Variants in VAT1 observed in about 807,000 individuals in gnomAD.
The protein encoded by VAT1 is NADPH-dependent quinone oxidoreductase VAT1.
A neutral mutation model predicts 33.3 loss-of-function variants in VAT1; 24 were observed. The ratio of observed to expected loss-of-function variants is 0.72; its 90% CI spans 0.52 to 1.01. VAT1 has a LOEUF of 1.01. Among genes scored for constraint, VAT1 ranks in the 50% least tolerant of loss-of-function variants. VAT1 has a pLI of 0.00. For synonymous variants in VAT1, 212 were observed against 225.0 expected (o/e 0.94, Z 0.52); for missense variants, 436 against 533.7 (o/e 0.82, Z 1.80).
At chr17:43,017,993 C>T (rs2050534932) in intron 3 of VAT1, 43 bp downstream of exon 3, 1 of 1,613,248 alleles carries the variant, frequency 6.2e-7, no homozygotes, top group East Asian at 2.2e-5. Flanking sequence ...GCTCCCCTCC[C>T]TGTCCTGTGC....
rs751810529 is a variant in VAT1, at chr17:43,016,498, G to A, written c.907C>T (p.Arg303Trp). Residue 303 changes from arginine to tryptophan, a missense_variant, in exon 5 of 6, where the codon CGG becomes TGG. Physicochemically the swap from Arg to Trp is moderately radical, Grantham distance 101 (BLOSUM62 -3). Coordinates refer to ENST00000355653, the MANE Select transcript of VAT1 (RefSeq NM_006373.4). Reference sequence around the variant, plus strand: ...ACGCTGAACTGATTCCACCATGTCCGGGCCAGGGCCATCAGGTTCCGTTTG... The same window carrying A: ...ACGCTGAACTGATTCCACCATGTCCAGGCCAGGGCCATCAGGTTCCGTTTG... ...GPKRNLMALA[R>W]TWWNQFSVTA... is the part of the protein sequence containing the mutation. The A allele has an allele frequency of 1.3e-5, 21 of 1,613,900 alleles. No homozygotes were observed. Among genetic ancestry groups the A allele is most frequent in the Admixed American group, 3.3e-5 (2 of 59,994 alleles).
At chr17:43,021,671 T>A (rs1457896083) in intron 1 of VAT1, among the ~76,000 whole-genome samples, 15 of 151,494 alleles carry the variant, frequency 9.9e-5, no homozygotes, top group Admixed American at 9.9e-4. Context: ...CACCTTATTG[T>A]TTTCCCCCCC....
chr17:43,021,869 T>C (rs2151972203), intron 1 of VAT1, 67 bp downstream of exon 1: 1 of 1,576,540 alleles, frequency 6.3e-7, no homozygotes, highest in Non-Finnish European at 8.6e-7. Context: ...CCCCCGGCGC[T>C]CGCCCACTCG....
Position 43,022,261 on chromosome 17 carries a change from G to A in VAT1, c.62C>T (p.Pro21Leu), listed in dbSNP as rs750278014. ...ATGEDASSPPPKTEAASDPQH... is the reference protein window; with the variant it reads ...ATGEDASSPPLKTEAASDPQH... ...GGGGTCGCTCGCTGCCTCGGTTTTC[G>A]GAGGCGGCGAAGAGGCGTCTTCCCC... is the stretch of plus-strand genomic sequence containing the variant. Residue 21 changes from proline (P) to leucine (L), a missense_variant, in exon 1 of 6, where the codon CCG becomes CTG. By Grantham distance (98) the Pro-to-Leu change is moderately conservative. This residue lies in a region of VAT1 where 154 missense variants were observed against 128.3 expected (regional missense o/e 1.20). Transcript: ENST00000355653. The A allele has an allele frequency of 7.6e-6, 12 of 1,589,242 alleles. No homozygotes were observed. Among genetic ancestry groups the A allele is most frequent in the Non-Finnish European group, 9.4e-6 (11 of 1,169,528 alleles).
chr17:43,021,033 C>G (rs2050562646), intron 1 of VAT1, among the ~76,000 whole-genome samples: 1 of 152,084 alleles, frequency 6.6e-6, no homozygotes, highest in Admixed American at 6.6e-5. Flanking sequence ...GAAGGAGAAA[C>G]AGGCCTGCAG....
rs910169955 is a variant in VAT1 at position 43,015,942 on chromosome 17, T to A, written c.*119A>T. 4 of 1,198,354 alleles carry A rather than the reference T, an allele frequency of 3.3e-6. No individual in the cohort carries two copies. In the African/African-American group the frequency reaches 6.1e-5, roughly 18 times the overall value. 74.2% of individuals were successfully genotyped at this position (1,198,354 alleles called of 1,614,324 possible). On this transcript the variant is annotated 3_prime_UTR_variant, in exon 6 of 6. Coordinates refer to ENST00000355653, the MANE Select transcript of VAT1 (RefSeq NM_006373.4). The stretch of plus-strand genomic sequence containing the variant: ...GAGAGCGGTCATCACCACAGAGACC[T>A]TCGGGGGAGGGAGGGCAGAGCATTA...
In VAT1 at chr17:43,015,831, C is replaced by T; in HGVS notation, c.*230G>A. On this transcript the variant is annotated 3_prime_UTR_variant, in exon 6 of 6. Coordinates refer to ENST00000355653, the MANE Select transcript of VAT1 (RefSeq NM_006373.4). ...CAGGAAGCAGCCGGCCTCCCTCTGA[C>T]CCTCCCTGTCGCCTTGGCAGGGCCC... is the stretch of plus-strand genomic sequence containing the variant. 1 of 599,852 alleles carries T rather than the reference C, an allele frequency of 1.7e-6. No individual in the cohort carries two copies. 37.2% of individuals were successfully genotyped at this position (599,852 alleles called of 1,614,324 possible).
At position 43,018,134 on chromosome 17, in the gene VAT1, G is replaced by A; in HGVS notation, c.668C>T (p.Ala223Val). 2 of 1,614,122 alleles carry A rather than the reference G, an allele frequency of 1.2e-6. No homozygotes were observed. Among genetic ancestry groups the A allele is most frequent in the Non-Finnish European group, 1.7e-6 (2 of 1,180,040 alleles). Residue 223 changes from alanine to valine, a missense_variant, in exon 3 of 6, where the codon GCC becomes GTC. Coordinates refer to ENST00000355653, the MANE Select transcript of VAT1 (RefSeq NM_006373.4). ...CTCCTTCAGTGCCTCGTGCTTGCTG[G>A]CCGAGGCCGTTCCGAACACTGTCAC... ...ENVTVFGTAS[A>V]SKHEALKENG...
intron 5 of VAT1, 21 bp from the exon 6 acceptor site, chr17:43,016,165 C>T (rs372829017): frequency 3.0e-5 from 49 of 1,613,758 alleles, no homozygotes; most frequent in African/African-American, 1.1e-4. Flanking sequence ...AGGAAAGATG[C>T]GGCTCCCAGT....
rs139139510 is a variant in VAT1, at chr17:43,016,402, C to T, written c.1003G>A (p.Val335Met). 54 of 1,613,922 alleles carry T rather than the reference C, an allele frequency of 3.3e-5. No homozygotes were observed. The African/African-American group carries it at 6.1e-4, about 18-fold the overall frequency. The change falls in exon 5 of 6, where the codon GTG becomes ATG. Residue 335 changes from valine to methionine, a missense_variant. Physicochemically the swap from Val to Met is conservative, Grantham distance 21. This residue lies in a region of VAT1 where 282 missense variants were observed against 405.4 expected (regional missense o/e 0.70). Coordinates refer to ENST00000355653, the MANE Select transcript of VAT1 (RefSeq NM_006373.4). ...GCCACCACACCACTGACCAGCTCCA[C>T]CTCACCATCCAGGTAGCCCAGGTGG... ...GFHLGYLDGE[V>M]ELVSGVVARL... is the part of the protein sequence containing the mutation.
At chr17:43,016,737 G>C (rs1053359160) in intron 4 of VAT1, among the ~76,000 whole-genome samples, 189 bp from the exon 5 acceptor site, 1 of 152,130 alleles carries the variant, frequency 6.6e-6, no homozygotes, top group East Asian at 1.9e-4. Flanking sequence ...TGCTCTAGGG[G>C]CTGGGTGCTA....
Position 43,022,084 on chromosome 17 carries a change from G to T in VAT1, c.239C>A (p.Thr80Lys). ...GAGCCCGCAGGCCCGCAGACGCAGC[G>T]TCAGCTGGCCGGGCCCAGGGGCCGG... is the stretch of plus-strand genomic sequence containing the variant. ...APPAPGPGQL[T>K]LRLRACGLNF... Residue 80 changes from threonine to lysine, a missense_variant, in exon 1 of 6, where the codon ACG (threonine) becomes AAG (lysine). Coordinates refer to ENST00000355653, the MANE Select transcript of VAT1 (RefSeq NM_006373.4). 6.3e-7 allele frequency: 1 copy of T among 1,593,228 alleles called. No individual in the cohort carries two copies. The highest frequency in any genetic ancestry group is 8.5e-7 in the Non-Finnish European group (1 of 1,171,186).
rs1229102873 is a variant in VAT1 at position 43,022,106 on chromosome 17, C to T, written c.217G>A (p.Ala73Thr). 6.4e-7 allele frequency: 1 copy of T among 1,573,700 alleles called. No homozygotes were observed. Among genetic ancestry groups the T allele is most frequent in the East Asian group, 2.4e-5 (1 of 42,404 alleles). Reference sequence around the variant, plus strand: ...AGCGTCAGCTGGCCGGGCCCAGGGGCCGGGGGCGCTGCCGGCCGGCTCTGC... The same window carrying T: ...AGCGTCAGCTGGCCGGGCCCAGGGGTCGGGGGCGCTGCCGGCCGGCTCTGC... ...KLQSRPAAPP[A>T]PGPGQLTLRL... The change falls in exon 1 of 6, where the codon GCC (alanine) becomes ACC (threonine). Residue 73 changes from alanine (A) to threonine (T), a missense_variant. By Grantham distance (58) the Ala-to-Thr change is moderately conservative. Coordinates refer to ENST00000355653, the MANE Select transcript of VAT1 (RefSeq NM_006373.4).
At chr17:43,021,711 A>G (rs2050570864) in intron 1 of VAT1, among the ~76,000 whole-genome samples, 1 of 151,810 alleles carries the variant, frequency 6.6e-6, no homozygotes, top group Admixed American at 6.6e-5. Context: ...GGCGGCCACA[A>G]CTAAAAATGG....
In VAT1 at chr17:43,021,606, T is replaced by TGG. The variant is rs35999638; in HGVS notation, c.387+328_387+329dup. Among the ~76,000 whole-genome samples the TGG allele has an allele frequency of 2.7e-3, 135 of 49,400 alleles. 1 individual carries two copies. Among genetic ancestry groups the TGG allele is most frequent in the Non-Finnish European group, 3.3e-3 (78 of 23,870 alleles). The allele number at this position is 49,400 out of a possible 152,430, so 32.4% of individuals were successfully genotyped here. ...GGTAGGGGTACAGGTGTGGTTTTAA[T>TGG]GGGGGGGGGGGGGGGGGGTGGGGAC... On this transcript the variant is annotated intron_variant, in intron 1 of 5. Transcript: ENST00000355653.
chr17:43,018,088 G>A lies in VAT1; in HGVS notation c.714C>T (p.Ile238=), dbSNP rs11539633. The A allele has an allele frequency of 3.1e-6, 5 of 1,613,848 alleles. No individual in the cohort carries two copies. Among genetic ancestry groups the A allele is most frequent in the African/African-American group, 2.7e-5 (2 of 74,824 alleles). ...CCACGTAGTCAGTCGTGTGATAGTC[G>A]ATGGGATGTGTGACCCCATTCTCCT... ...ALKENGVTHP[I]DYHTTDYVDE... The change falls in exon 3 of 6, where the codon ATC becomes ATT. Residue 238 remains isoleucine (I), a synonymous_variant. Transcript: ENST00000355653.
chr17:43,017,797 T>A, intron 4 of VAT1, 44 bp downstream of exon 4: 2 of 1,567,078 alleles, frequency 1.3e-6, no homozygotes, highest in Non-Finnish European at 8.8e-7. Flanking sequence ...AGACCCTCCC[T>A]CCTGCCCTCA....
At chr17:43,019,759 C>T (rs145310064) in intron 1 of VAT1, among the ~76,000 whole-genome samples, 3 of 152,268 alleles carry the variant, frequency 2.0e-5, no homozygotes, top group Non-Finnish European at 2.9e-5. Flanking sequence ...GACTTCTCTG[C>T]GCTCTCTGAA....
At chr17:43,021,620 G>GGGGT in intron 1 of VAT1, among the ~76,000 whole-genome samples, 1 of 115,112 alleles carries the variant, frequency 8.7e-6, no homozygotes, top group Non-Finnish European at 1.9e-5. Context: ...GGGGGGGGGG[G>GGGGT]GGGGTGGGGA....
Sources: allele counts gnomAD v4.1 joint callset (sites outside exome capture counted in the v4.1 genomes callset), GRCh38; gene constraint gnomAD v4.1.1; regional missense constraint gnomAD v4.1.1; transcripts MANE v1.5; gene names NCBI Gene and HGNC (gene_info 2026-07-23, HGNC 2026-07-21).